UBE3B: variants seen among roughly 807,000 people sequenced by gnomAD.
The protein encoded by UBE3B is ubiquitin protein ligase E3B.
UBE3B carries 80 observed loss-of-function variants against 132.3 expected under a neutral mutation model. That is an observed-to-expected ratio of 0.60 (90% CI 0.50 to 0.73). The LOEUF is 0.73. Among genes scored for constraint, UBE3B ranks in the 30% least tolerant of loss-of-function variants. The pLI is 0.00. For synonymous variants in UBE3B, 487 were observed against 520.4 expected (o/e 0.94, Z 0.87); for missense variants, 1,196 against 1,362.5 (o/e 0.88, Z 1.92).
intron 8 of UBE3B, 152 bp from the exon 9 acceptor site, chr12:109,490,893 C>A: frequency 1.9e-6 from 2 of 1,056,622 alleles, no homozygotes; most frequent in Non-Finnish European, 2.6e-6. Flanking sequence ...CTGCCTCAGC[C>A]TCCTGAGCTG....
intron 24 of UBE3B, chr12:109,528,465 A>G: frequency 1.0e-6 from 1 of 985,390 alleles, no homozygotes; most frequent in Non-Finnish European, 1.2e-6. Context: ...TGAGATTACT[A>G]AAGCTTTAGC....
At chr12:109,537,335 GGA>G (rs2136168867), downstream of UBE3B, among the ~76,000 whole-genome samples, 1 of 152,346 alleles carries the variant, frequency 6.6e-6, no homozygotes, top group South Asian at 2.1e-4. Context: ...CTCCGCACCA[GGA>G]GCCCAGGTCA....
chr12:109,532,124 T>G (rs953918584), intron 26 of UBE3B, among the ~76,000 whole-genome samples: 5 of 152,140 alleles, frequency 3.3e-5, no homozygotes, highest in African/African-American at 1.2e-4. Flanking sequence ...CTTCCCTCCC[T>G]CCTTTCACCC....
chr12:109,509,307 A>T (rs1421050527), intron 15 of UBE3B: 3 of 197,056 alleles, frequency 1.5e-5, no homozygotes, highest in African/African-American at 7.0e-5. Flanking sequence ...CTGAAAGTGC[A>T]GGTTTGTTAC....
rs1875126334 is a variant in UBE3B at position 109,480,193 on chromosome 12, T to G, written c.-127-1444T>G. Among the ~76,000 whole-genome samples, 3 of 152,000 alleles carry G rather than the reference T, an allele frequency of 2.0e-5. No homozygotes were observed. The South Asian group carries it at 6.2e-4, about 32-fold the overall frequency. On this transcript the variant is annotated intron_variant, in intron 1 of 27. Coordinates refer to ENST00000342494, the MANE Select transcript of UBE3B (RefSeq NM_130466.4). ...GGTGGGAGCCTCTGCTGAAGAGTTT[T>G]TTTTTTTTTTTAATCCTTGTGTCTA...
chr12:109,487,048 T>TTGGGG lies in UBE3B; in HGVS notation c.447+475_447+479dup, dbSNP rs762914152. On this transcript the variant is annotated intron_variant, in intron 6 of 27. Transcript: ENST00000342494. Reference sequence around the variant, plus strand: ...TCTTTTCTCTCATCCCTGCTCCCTTTTGGGGTCACCTCGTCCTTTCCTGCT... The same window carrying TTGGGG: ...TCTTTTCTCTCATCCCTGCTCCCTTTTGGGGTGGGGTCACCTCGTCCTTTCCTGCT... Among the ~76,000 whole-genome samples, 4 of 152,292 alleles carry TTGGGG rather than the reference T, an allele frequency of 2.6e-5. No homozygotes were observed. In the South Asian group the frequency reaches 6.2e-4, roughly 24 times the overall value.
At position 109,534,322 on chromosome 12, in the gene UBE3B, C is replaced by G; in HGVS notation, c.3016-269C>G. 7 of 1,401,488 alleles carry G rather than the reference C, an allele frequency of 5.0e-6. No homozygotes were observed. The highest frequency in any genetic ancestry group is 4.9e-5 in the South Asian group (3 of 61,526). 86.8% of individuals were successfully genotyped at this position (1,401,488 alleles called of 1,614,324 possible). ...TTTGTCAATTGGTTAACCAGTAATT[C>G]GCTGTGAACCGGAAGGCCCCATTTC... is the stretch of plus-strand genomic sequence containing the variant. On this transcript the variant is annotated intron_variant, in intron 27 of 27. Transcript: ENST00000342494. The surrounding 1 kb of genome is among the most constrained non-coding windows in gnomAD (Gnocchi z 5.2).
chr12:109,489,346 G>C (rs1238893833), intron 7 of UBE3B, among the ~76,000 whole-genome samples: 2 of 152,218 alleles, frequency 1.3e-5, no homozygotes, highest in Non-Finnish European at 2.9e-5. Flanking sequence ...GGGAGGCCTT[G>C]CTTGGTCTGG....
chr12:109,544,054 T>C, the UBE3B span, among the ~76,000 whole-genome samples: 4 of 152,038 alleles, frequency 2.6e-5, no homozygotes, highest in African/African-American at 9.7e-5. Flanking sequence ...AGGGTGTGTT[T>C]GGGAAGCAGC....
intron 7 of UBE3B, 148 bp downstream of exon 7, chr12:109,488,816 A>G: frequency 2.9e-6 from 2 of 682,766 alleles, no homozygotes; most frequent in Non-Finnish European, 5.2e-6. Flanking sequence ...GGTGCTGACC[A>G]TCAGACTGCA....
chr12:109,524,205 T>C, intron 22 of UBE3B, 90 bp downstream of exon 22: 1 of 1,556,256 alleles, frequency 6.4e-7, no homozygotes, highest in Non-Finnish European at 8.7e-7. Flanking sequence ...TGTCCTCTCT[T>C]ATTGCTGTTG....
the UBE3B span, among the ~76,000 whole-genome samples, chr12:109,547,317 C>T: frequency 2.0e-5 from 3 of 152,370 alleles, no homozygotes; most frequent in Admixed American, 6.5e-5. The surrounding 1 kb of genome is among the most constrained non-coding windows in gnomAD (Gnocchi z 4.1). Flanking sequence ...TCTTTCCAAG[C>T]TTGCAAAATT....
In UBE3B at chr12:109,524,041, A is replaced by T; in HGVS notation, c.2428A>T (p.Ser810Cys). Reference protein sequence around the residue: ...FLSQLLGHHHSVFYSSVDELP... With the variant: ...FLSQLLGHHHCVFYSSVDELP... ...GAGCCAACTGCTTGGGCACCACCACAGCGTCTTCTATAGCTCGGTGGATGA... is the reference window on the plus strand; with the variant it reads ...GAGCCAACTGCTTGGGCACCACCACTGCGTCTTCTATAGCTCGGTGGATGA... The change falls in exon 22 of 28, where the codon AGC (serine) becomes TGC (cysteine). Residue 810 changes from serine (S) to cysteine (C), a missense_variant. Coordinates refer to ENST00000342494, the MANE Select transcript of UBE3B (RefSeq NM_130466.4). The T allele has an allele frequency of 6.2e-7, 1 of 1,614,172 alleles. No individual in the cohort carries two copies. Among genetic ancestry groups the T allele is most frequent in the South Asian group, 1.1e-5 (1 of 91,070 alleles).
At chr12:109,502,927 G>A (rs1289177173) in intron 13 of UBE3B, 96 bp from the exon 14 acceptor site, 2 of 1,479,190 alleles carry the variant, frequency 1.4e-6, no homozygotes, top group Non-Finnish European at 1.9e-6. Context: ...GCCTGGCTGT[G>A]CATTTAGAGC....
rs1881810952 is a variant in UBE3B at position 109,522,325 on chromosome 12, C to T, written c.2364+774C>T. Among the ~76,000 whole-genome samples the T allele has an allele frequency of 6.6e-6, 1 of 152,144 alleles. No homozygotes were observed. Among genetic ancestry groups the T allele is most frequent in the Non-Finnish European group, 1.5e-5 (1 of 68,028 alleles). On this transcript the variant is annotated intron_variant, in intron 21 of 27. Coordinates refer to ENST00000342494, the MANE Select transcript of UBE3B (RefSeq NM_130466.4). This position sits in a 1 kb window ranked among gnomAD's most constrained non-coding sequence, Gnocchi z 4.2. ...TGATGTGGCCCACACAGCTCCTGTC[C>T]ATTGAAACCCCGTCCATTGAAAGCC...
intron 18 of UBE3B, among the ~76,000 whole-genome samples, chr12:109,515,662 C>A (rs1880948859): frequency 6.6e-6 from 1 of 152,224 alleles, no homozygotes; most frequent in African/African-American, 2.4e-5. Flanking sequence ...AGCCACTGTG[C>A]CCAGCTGTTA....
At chr12:109,497,685 A>G (rs1030017545) in intron 9 of UBE3B, 133 bp from the exon 10 acceptor site, 26 of 866,998 alleles carry the variant, frequency 3.0e-5, no homozygotes, top group East Asian at 1.0e-4. Flanking sequence ...TATGTCCCCA[A>G]TTTCAGCCTT....
chr12:109,546,068 A>G, the UBE3B span, among the ~76,000 whole-genome samples: 4 of 152,254 alleles, frequency 2.6e-5, no homozygotes, highest in East Asian at 7.8e-4. Flanking sequence ...GCAGAGTTGC[A>G]AGTGGGACAG....
At chr12:109,504,130 C>T (rs1879351720) in intron 14 of UBE3B, among the ~76,000 whole-genome samples, 1 of 152,202 alleles carries the variant, frequency 6.6e-6, no homozygotes, top group African/African-American at 2.4e-5. Context: ...TTGGCCTGGG[C>T]TACAGCAGGA....
Sources: allele counts gnomAD v4.1 joint callset (sites outside exome capture counted in the v4.1 genomes callset), GRCh38; gene constraint gnomAD v4.1.1; non-coding constraint Gnocchi (gnomAD v3.1); transcripts MANE v1.5; gene names NCBI Gene and HGNC (gene_info 2026-07-23, HGNC 2026-07-21).